The following LRRC28 variants were observed in gnomAD, a reference collection of about 807,000 sequenced individuals.
LRRC28 encodes leucine-rich repeat-containing protein 28.
A neutral mutation model predicts 45.7 loss-of-function variants in LRRC28; 39 were observed. The observed-to-expected ratio is 0.85, with a 90% CI of 0.66 to 1.12. The LOEUF (loss-of-function observed/expected upper bound fraction) is 1.12. Among genes scored for constraint, LRRC28 ranks in the 50% most tolerant of loss-of-function variants. LRRC28 has a pLI of 0.00. For missense variants in LRRC28, 435 were observed against 438.5 expected (o/e 0.99, Z 0.07); for synonymous variants, 206 against 178.8 (o/e 1.15, Z -1.22).
intron 9 of LRRC28, among the ~76,000 whole-genome samples, chr15:99,379,791 G>A (rs1176170517): frequency 1.3e-5 from 2 of 152,042 alleles, no homozygotes; most frequent in Admixed American, 6.6e-5. Context: ...CCTTCATTTC[G>A]TTATGTACCC....
intron 9 of LRRC28, among the ~76,000 whole-genome samples, chr15:99,377,202 C>G (rs570112125): frequency 6.6e-6 from 1 of 151,570 alleles, no homozygotes; most frequent in Non-Finnish European, 1.5e-5. Context: ...TCCTCTCCAG[C>G]ACCTGTTGTT....
At position 99,282,384 on chromosome 15, in the gene LRRC28, A is replaced by G. The variant is rs116974303; in HGVS notation, c.210-4873A>G. On this transcript the variant is annotated intron_variant, in intron 3 of 9. Transcript: ENST00000301981. ...TTGTGTGGCTTACTTCCTTTCTCTT[A>G]GGGAATGTAGTCCTAGTTGCCTTTG... Among the ~76,000 whole-genome samples, 58 of 152,012 alleles carry G rather than the reference A, an allele frequency of 3.8e-4. 1 individual carries two copies. In the East Asian group the frequency reaches 0.01, roughly 26 times the overall value.
rs139025113 is a variant in LRRC28, at chr15:99,257,701, A to G, written c.168+1576A>G. 5,541 of 765,760 alleles carry G rather than the reference A, an allele frequency of 7.2e-3. 42 individuals carry two copies. Among genetic ancestry groups the G allele is most frequent in the Non-Finnish European group, 7.9e-3 (3,254 of 413,130 alleles). The allele number at this position is 765,760 out of a possible 1,614,324, so 47.4% of individuals were successfully genotyped here. A position where few individuals can be genotyped will look rare whatever the true frequency, so the allele number is the denominator to read the frequency against. On this transcript the variant is annotated intron_variant, in intron 2 of 9. Transcript: ENST00000301981. ...TTCGGGTCGGTCAGAGCTGTTGATG[A>G]AGTTGATGTGGAAGGTACAGTAGAA... is the stretch of plus-strand genomic sequence containing the variant.
chr15:99,383,796 T>C (rs891414096), intron 9 of LRRC28, among the ~76,000 whole-genome samples: 1 of 152,170 alleles, frequency 6.6e-6, no homozygotes, highest in African/African-American at 2.4e-5. Flanking sequence ...TCCGCCACCC[T>C]GGGTCCTCTC....
At chr15:99,300,475 A>G (rs1387674911) in intron 5 of LRRC28, among the ~76,000 whole-genome samples, 3 of 150,726 alleles carry the variant, frequency 2.0e-5, no homozygotes, top group Non-Finnish European at 3.0e-5. Flanking sequence ...TTTACAGGCT[A>G]TGAAAATAGT....
At chr15:99,314,537 A>G (rs150365366) in intron 5 of LRRC28, among the ~76,000 whole-genome samples, 162 of 152,262 alleles carry the variant, frequency 1.1e-3, no homozygotes, top group African/African-American at 3.6e-3. Context: ...ATTTGTAACA[A>G]TATTTTATCA....
intron 5 of LRRC28, among the ~76,000 whole-genome samples, chr15:99,308,543 G>A (rs1033224097): frequency 7.9e-5 from 12 of 152,078 alleles, no homozygotes; most frequent in Non-Finnish European, 1.2e-4. Flanking sequence ...GTGGTGGCAC[G>A]TGCCTGTAGT....
chr15:99,354,330 A>T (rs745819795), intron 7 of LRRC28, among the ~76,000 whole-genome samples: 1 of 152,204 alleles, frequency 6.6e-6, no homozygotes, highest in Admixed American at 6.5e-5. Flanking sequence ...GATGATAACT[A>T]CTGAAGCTTT....
At chr15:99,329,605 G>A (rs189414205) in intron 5 of LRRC28, among the ~76,000 whole-genome samples, 3 of 152,192 alleles carry the variant, frequency 2.0e-5, no homozygotes, top group Non-Finnish European at 4.4e-5. Context: ...TAAGCATTGG[G>A]CATGTGTGGA....
chr15:99,281,661 T>A (rs1208953399), intron 3 of LRRC28, among the ~76,000 whole-genome samples: 1 of 152,232 alleles, frequency 6.6e-6, no homozygotes, highest in Non-Finnish European at 1.5e-5. Flanking sequence ...ATGGACCTTA[T>A]AAAGTTTGCA....
chr15:99,280,746 A>G (rs147724045), intron 3 of LRRC28, among the ~76,000 whole-genome samples: 1 of 152,032 alleles, frequency 6.6e-6, no homozygotes, highest in African/African-American at 2.4e-5. Flanking sequence ...GTGTCTTAAC[A>G]GTTTTTATCA....
chr15:99,274,495 T>TAGTG (rs2081565435), intron 2 of LRRC28, among the ~76,000 whole-genome samples: 2 of 152,246 alleles, frequency 1.3e-5, no homozygotes, highest in African/African-American at 2.4e-5. Flanking sequence ...TCATTTGTCT[T>TAGTG]AGTGAGTGTT....
intron 7 of LRRC28, among the ~76,000 whole-genome samples, chr15:99,354,170 A>T (rs1956975626): frequency 6.6e-6 from 1 of 152,216 alleles, no homozygotes; most frequent in Non-Finnish European, 1.5e-5. Context: ...GTTGGTTTAA[A>T]TCAAAACTCG....
intron 5 of LRRC28, among the ~76,000 whole-genome samples, chr15:99,308,355 T>C (rs957518578): frequency 2.7e-4 from 41 of 152,272 alleles, no homozygotes; most frequent in Non-Finnish European, 5.0e-4. Context: ...ATATTTTATA[T>C]GATTGAAGAA....
Position 99,390,434 on chromosome 15 carries a change from CAA to C in LRRC28, c.*4333_*4334del, listed in dbSNP as rs1451384942. 9 of 149,808 alleles carry C rather than the reference CAA, an allele frequency of 6.0e-5. No individual in the cohort carries two copies. The highest frequency in any genetic ancestry group is 1.8e-4 in the African/African-American group (7 of 39,972). The allele number at this position is 149,808 out of a possible 1,614,324, so 9.3% of individuals were successfully genotyped here. A position where few individuals can be genotyped will look rare whatever the true frequency, so the allele number is the denominator to read the frequency against. On this transcript the variant is annotated 3_prime_UTR_variant, in exon 10 of 10. Coordinates refer to ENST00000301981, the MANE Select transcript of LRRC28 (RefSeq NM_144598.5). Reference sequence around the variant, plus strand: ...AGGGTTAGCCAGACTTTTTTCCACTCAAGTGTGGATTATCTTTGCTACCTGTG... The same window carrying C: ...AGGGTTAGCCAGACTTTTTTCCACTCGTGTGGATTATCTTTGCTACCTGTG...
chr15:99,373,032 A>AT (rs1957527699), intron 9 of LRRC28, among the ~76,000 whole-genome samples: 1 of 152,070 alleles, frequency 6.6e-6, no homozygotes, highest in Non-Finnish European at 1.5e-5. Context: ...CCCCCCCATG[A>AT]TTTAATCACC....
chr15:99,251,483 C>T lies in LRRC28; in HGVS notation c.-119C>T, dbSNP rs891484220. ...CTCCCTGCCCCGCCCCGCCCGCCGT[C>T]CCCCGCTTGGCTTCCAGCGCCGCTT... On this transcript the variant is annotated 5_prime_UTR_variant, in exon 1 of 10. Transcript: ENST00000301981. 2 of 152,368 alleles carry T rather than the reference C, an allele frequency of 1.3e-5. No individual in the cohort carries two copies. Among genetic ancestry groups the T allele is most frequent in the African/African-American group, 4.8e-5 (2 of 41,414 alleles). The allele number at this position is 152,368 out of a possible 1,614,324, so 9.4% of individuals were successfully genotyped here.
intron 2 of LRRC28, among the ~76,000 whole-genome samples, chr15:99,274,899 T>A (rs1234479621): frequency 6.6e-6 from 1 of 152,208 alleles, no homozygotes; most frequent in Non-Finnish European, 1.5e-5. Context: ...CATCCTCTTA[T>A]AATTTATGTC....
chr15:99,357,205 A>G (rs1463809881), intron 7 of LRRC28, among the ~76,000 whole-genome samples: 1 of 152,196 alleles, frequency 6.6e-6, no homozygotes, highest in Non-Finnish European at 1.5e-5. Flanking sequence ...ATCAAAATTC[A>G]TACAGCTCTC....
Sources: allele counts gnomAD v4.1 joint callset (sites outside exome capture counted in the v4.1 genomes callset), GRCh38; gene constraint gnomAD v4.1.1; transcripts MANE v1.5; gene names NCBI Gene and HGNC (gene_info 2026-07-23, HGNC 2026-07-21).